Variants in HRH3 observed in about 807,000 individuals in gnomAD.
HRH3 encodes histamine receptor H3, also known as histamine H3 receptor.
A neutral mutation model predicts 21.6 loss-of-function variants in HRH3; 13 were observed. The observed-to-expected ratio is 0.60, with a 90% CI of 0.39 to 0.96. The LOEUF is 0.96. Among genes scored for constraint, HRH3 ranks in the 40% least tolerant of loss-of-function variants. The probability of loss-of-function intolerance (pLI) is 0.00; values close to 1 mark genes in which losing one functional copy is unlikely to be tolerated. For missense variants in HRH3, 461 were observed against 622.7 expected, an observed-to-expected ratio of 0.74 and a Z score of 2.76; for synonymous variants, 276 against 290.3, an observed-to-expected ratio of 0.95 and a Z score of 0.50.
rs918437437 is a variant in HRH3 at position 62,218,339 on chromosome 20, C to T, written c.417+152G>A. 3.4e-6 allele frequency: 3 copies of T among 874,758 alleles called. No homozygotes were observed. Among genetic ancestry groups the T allele is most frequent in the Non-Finnish European group, 3.4e-6 (2 of 582,612 alleles). 54.2% of individuals were successfully genotyped at this position (874,758 alleles called of 1,614,324 possible). A position where few individuals can be genotyped will look rare whatever the true frequency, so the allele number is the denominator to read the frequency against. ...CCATGGCCCCGAGTGGGCAGCTGGC[C>T]GTCGAGTGGCCCATGTGTCAGCAGC... On this transcript the variant is annotated intron_variant, in intron 2 of 2. Coordinates refer to ENST00000340177, the MANE Select transcript of HRH3 (RefSeq NM_007232.3). This position sits in a 1 kb window ranked among gnomAD's most constrained non-coding sequence, Gnocchi z 5.6.
Position 62,216,634 on chromosome 20 carries a change from C to T in HRH3, c.710G>A (p.Arg237Gln), listed in dbSNP as rs775092665. 5.6e-5 allele frequency: 90 copies of T among 1,612,234 alleles called. No individual in the cohort carries two copies. Among genetic ancestry groups the T allele is most frequent in the South Asian group, 5.2e-4 (47 of 91,074 alleles). The change falls in exon 3 of 3, where the codon CGA becomes CAA. Residue 237 changes from arginine (R) to glutamine (Q), a missense_variant. Arg to Gln is a conservative substitution (Grantham distance 43). Coordinates refer to ENST00000340177, the MANE Select transcript of HRH3 (RefSeq NM_007232.3). ...AGGGGGCTCGGGGCCGGCTGCCTCTCGAGCCCCATCCAGCCGGAGGCGGGT... is the reference window on the plus strand; with the variant it reads ...AGGGGGCTCGGGGCCGGCTGCCTCTTGAGCCCCATCCAGCCGGAGGCGGGT... ...RRTRLRLDGA[R>Q]EAAGPEPPPE...
chr20:62,219,613 G>A lies in HRH3; in HGVS notation c.250+108C>T. Reference sequence around the variant, plus strand: ...GCCCCCTTCCCAGGCCGGGTCCCCTGGTGGGGCGTGTGCCTGCGGGAGCCA... The same window carrying A: ...GCCCCCTTCCCAGGCCGGGTCCCCTAGTGGGGCGTGTGCCTGCGGGAGCCA... On this transcript the variant is annotated intron_variant, in intron 1 of 2. Coordinates refer to ENST00000340177, the MANE Select transcript of HRH3 (RefSeq NM_007232.3). The surrounding 1 kb of genome is among the most constrained non-coding windows in gnomAD (Gnocchi z 8.7). The A allele has an allele frequency of 7.2e-7, 1 of 1,391,236 alleles. No homozygotes were observed. Among genetic ancestry groups the A allele is most frequent in the Non-Finnish European group, 9.6e-7 (1 of 1,041,706 alleles). The allele number at this position is 1,391,236 out of a possible 1,614,324, so 86.2% of individuals were successfully genotyped here.
At position 62,216,562 on chromosome 20, in the gene HRH3, C is replaced by T; in HGVS notation, c.782G>A (p.Cys261Tyr). ...SPPPPPGCWG[C>Y]WQKGHGEAMP... ...GGCCTCCCCGTGCCCCTTCTGCCAG[C>T]AGCCCCAGCAGCCAGGCGGTGGGGG... The change falls in exon 3 of 3, where the codon TGC (cysteine) becomes TAC (tyrosine). Residue 261 changes from cysteine (C) to tyrosine (Y), a missense_variant. Around this residue, in one of 6 missense-constraint regions of HRH3, gnomAD observed 163 missense variants for 139.4 expected, o/e 1.17. Transcript: ENST00000340177. 1 of 1,605,040 alleles carries T rather than the reference C, an allele frequency of 6.2e-7. No homozygotes were observed. The highest frequency in any genetic ancestry group is 8.5e-7 in the Non-Finnish European group (1 of 1,176,136).
Position 62,219,890 on chromosome 20 carries a change from G to T in HRH3, c.81C>A (p.Arg27=). ...CCGCGGTCCAGGCTGCCGAGAAGCC[G>T]CGCGCCCCGCCCGCCGCCGCCGCCT... ...AGEAAAAGGA[R]GFSAAWTAVL... is the part of the protein sequence containing the mutation. Residue 27 remains arginine, a synonymous_variant, in exon 1 of 3, where the codon CGC becomes CGA. Coordinates refer to ENST00000340177, the MANE Select transcript of HRH3 (RefSeq NM_007232.3). This position sits in a 1 kb window ranked among gnomAD's most constrained non-coding sequence, Gnocchi z 8.7. 1 of 1,405,812 alleles carries T rather than the reference G, an allele frequency of 7.1e-7. No individual in the cohort carries two copies. Among genetic ancestry groups the T allele is most frequent in the Admixed American group, 3.1e-5 (1 of 32,508 alleles). The allele number at this position is 1,405,812 out of a possible 1,614,324, so 87.1% of individuals were successfully genotyped here. A position where few individuals can be genotyped will look rare whatever the true frequency, so the allele number is the denominator to read the frequency against.
At position 62,216,447 on chromosome 20, in the gene HRH3, G is replaced by C. The variant is rs1024170512; in HGVS notation, c.897C>G (p.Ser299=). 2.0e-6 allele frequency: 3 copies of C among 1,536,840 alleles called. No individual in the cohort carries two copies. The African/African-American group carries it at 4.1e-5, about 21-fold the overall frequency. The change falls in exon 3 of 3, where the codon TCC becomes TCG. Residue 299 remains serine, a synonymous_variant. Coordinates refer to ENST00000340177, the MANE Select transcript of HRH3 (RefSeq NM_007232.3). ...ATLGGGGGGG[S]VASPTSSSGS... is the part of the protein sequence containing the mutation. ...CGGAGCTGGAGGTGGGTGAAGCCAC[G>C]GAGCCGCCCCCACCGCCACCCCCGA...
rs1978483367 is a variant in HRH3, at chr20:62,215,213, C to G, written c.*793G>C. 5.0e-6 allele frequency: 2 copies of G among 398,102 alleles called. No homozygotes were observed. Among genetic ancestry groups the G allele is most frequent in the Non-Finnish European group, 1.0e-5 (2 of 197,282 alleles). 24.7% of individuals were successfully genotyped at this position (398,102 alleles called of 1,614,324 possible). A position where few individuals can be genotyped will look rare whatever the true frequency, so the allele number is the denominator to read the frequency against. ...GAGTGGCCGGGGCAGGCTTGGCCAC[C>G]AGGGCTGGTGTGAGCCCAGAGGCGG... On this transcript the variant is annotated 3_prime_UTR_variant, in exon 3 of 3. Transcript: ENST00000340177.
chr20:62,216,139 C>T lies in HRH3; in HGVS notation c.1205G>A (p.Trp402Ter). The change falls in exon 3 of 3, where the codon TGG becomes TAG. Residue 402 changes from tryptophan (W) to a stop codon, truncating the protein, a stop_gained. Coordinates refer to ENST00000340177, the MANE Select transcript of HRH3 (RefSeq NM_007232.3). LOFTEE classifies it high-confidence loss of function. ...YWYETSFWLL[W>*]ANSAVNPVLY... ...GACAGGGTTGACAGCCGAGTTGGCC[C>T]ACAGGAGCCAGAAGGAGGTTTCGTA... The T allele has an allele frequency of 6.2e-7, 1 of 1,613,304 alleles. No homozygotes were observed. The highest frequency in any genetic ancestry group is 2.2e-5 in the East Asian group (1 of 44,854).
chr20:62,218,291 G>A lies in HRH3; in HGVS notation c.417+200C>T, dbSNP rs1978661330. Among the ~76,000 whole-genome samples the A allele has an allele frequency of 1.3e-5, 2 of 152,362 alleles. No individual in the cohort carries two copies. The highest frequency in any genetic ancestry group is 4.1e-4 in the South Asian group (2 of 4,834). ...CATCCAGATTCCCCGTCTCCTGCCT[G>A]GGCCAGGTCAGTCTGGCTGCAGCCA... On this transcript the variant is annotated intron_variant, in intron 2 of 2. Coordinates refer to ENST00000340177, the MANE Select transcript of HRH3 (RefSeq NM_007232.3). The surrounding 1 kb of genome is among the most constrained non-coding windows in gnomAD (Gnocchi z 5.6).
At position 62,216,666 on chromosome 20, in the gene HRH3, C is replaced by T. The variant is rs1432424650; in HGVS notation, c.678G>A (p.Gln226=). 6.2e-7 allele frequency: 1 copy of T among 1,612,868 alleles called. No homozygotes were observed. The highest frequency in any genetic ancestry group is 8.5e-7 in the Non-Finnish European group (1 of 1,179,952). The change falls in exon 3 of 3, where the codon CAG becomes CAA. Residue 226 remains glutamine (Q), a synonymous_variant. Transcript: ENST00000340177. Reference sequence around the variant, plus strand: ...CATCCAGCCGGAGGCGGGTGCGCCTCTGGATGTTCAGGTAGATGCTGAGGT... The same window carrying T: ...CATCCAGCCGGAGGCGGGTGCGCCTTTGGATGTTCAGGTAGATGCTGAGGT... ...FFNLSIYLNI[Q]RRTRLRLDGA... is the part of the protein sequence containing the mutation.
Position 62,219,927 on chromosome 20 carries a change from G to T in HRH3, c.44C>A (p.Ala15Glu). The T allele has an allele frequency of 8.1e-7, 1 of 1,235,430 alleles. No homozygotes were observed. Among genetic ancestry groups the T allele is most frequent in the South Asian group, 3.0e-5 (1 of 33,852 alleles). 76.5% of individuals were successfully genotyped at this position (1,235,430 alleles called of 1,614,324 possible). A position where few individuals can be genotyped will look rare whatever the true frequency, so the allele number is the denominator to read the frequency against. ...CGCCGCCGCCGCCTCGCCCGCCAGC[G>T]CCCCCGAAGCGTTCAGCGGCCCGTC... is the stretch of plus-strand genomic sequence containing the variant. ...PPDGPLNASG[A>E]LAGEAAAAGG... The change falls in exon 1 of 3, where the codon GCG (alanine) becomes GAG (glutamate). Residue 15 changes from alanine to glutamate, a missense_variant. By Grantham distance (107) the Ala-to-Glu change is moderately radical. Transcript: ENST00000340177. This position sits in a 1 kb window ranked among gnomAD's most constrained non-coding sequence, Gnocchi z 8.7.
chr20:62,216,013 C>T lies in HRH3; in HGVS notation c.1331G>A (p.Trp444Ter). Residue 444 changes from tryptophan (W) to a stop codon, truncating the protein, a stop_gained, in exon 3 of 3, where the codon TGG becomes TAG. Coordinates refer to ENST00000340177, the MANE Select transcript of HRH3 (RefSeq NM_007232.3). LOFTEE classifies it high-confidence loss of function. ...IQPHSSLEHC[W>*]K Reference sequence around the variant, plus strand: ...GAGGCTCTGGTGGGCCACTCACTTCCAGCAGTGCTCCAGGGAGCTGTGGGG... The same window carrying T: ...GAGGCTCTGGTGGGCCACTCACTTCTAGCAGTGCTCCAGGGAGCTGTGGGG... 6.4e-7 allele frequency: 1 copy of T among 1,570,366 alleles called. No homozygotes were observed. The highest frequency in any genetic ancestry group is 8.6e-7 in the Non-Finnish European group (1 of 1,157,716).
chr20:62,217,210 T>C (rs1203511902), intron 2 of HRH3, among the ~76,000 whole-genome samples: 1 of 152,154 alleles, frequency 6.6e-6, no homozygotes, highest in Non-Finnish European at 1.5e-5. Flanking sequence ...CCCTACCAGC[T>C]GTGAGCTCCC....
At position 62,216,618 on chromosome 20, in the gene HRH3, G is replaced by A. The variant is rs749587775; in HGVS notation, c.726C>T (p.Pro242=). 2.7e-5 allele frequency: 43 copies of A among 1,611,002 alleles called. 1 individual carries two copies. The Middle Eastern group carries it at 3.0e-3, about 111-fold the overall frequency. ...AGGGCTGGGCCTCGGGAGGGGGCTCGGGGCCGGCTGCCTCTCGAGCCCCAT... is the reference window on the plus strand; with the variant it reads ...AGGGCTGGGCCTCGGGAGGGGGCTCAGGGCCGGCTGCCTCTCGAGCCCCAT... The part of the protein sequence containing the change: ...RLDGAREAAG[P]EPPPEAQPSP... The change falls in exon 3 of 3, where the codon CCC becomes CCT. Residue 242 remains proline (P), a synonymous_variant. Transcript: ENST00000340177.
chr20:62,215,802 C>T lies in HRH3; in HGVS notation c.*204G>A. ...GTGGGGGGCAGGGCCGGCCACCCAG[C>T]CTCCAGTCCAGCCAGTGAGGGGCCC... is the stretch of plus-strand genomic sequence containing the variant. On this transcript the variant is annotated 3_prime_UTR_variant, in exon 3 of 3. Transcript: ENST00000340177. 1 of 599,282 alleles carries T rather than the reference C, an allele frequency of 1.7e-6. No homozygotes were observed. Among genetic ancestry groups the T allele is most frequent in the Non-Finnish European group, 2.9e-6 (1 of 341,976 alleles). 37.1% of individuals were successfully genotyped at this position (599,282 alleles called of 1,614,324 possible).
At position 62,216,378 on chromosome 20, in the gene HRH3, C is replaced by T. The variant is rs768899957; in HGVS notation, c.966G>A (p.Arg322=). ...RGTERPRSLK[R]GSKPSASSAS... The stretch of plus-strand genomic sequence containing the variant: ...CCGAGGACGCCGACGGCTTGGAGCC[C>T]CTCTTGAGTGAGCGCGGCCTCTCAG... The change falls in exon 3 of 3, where the codon AGG becomes AGA. Residue 322 remains arginine (R), a synonymous_variant. Coordinates refer to ENST00000340177, the MANE Select transcript of HRH3 (RefSeq NM_007232.3). The T allele has an allele frequency of 6.4e-7, 1 of 1,562,428 alleles. No homozygotes were observed. The highest frequency in any genetic ancestry group is 2.4e-5 in the East Asian group (1 of 41,756).
chr20:62,219,598 C>T lies in HRH3; in HGVS notation c.250+123G>A, dbSNP rs941410744. ...CCATGGGCTCCGGACGCCCCCTTCC[C>T]AGGCCGGGTCCCCTGGTGGGGCGTG... is the stretch of plus-strand genomic sequence containing the variant. On this transcript the variant is annotated intron_variant, in intron 1 of 2. Coordinates refer to ENST00000340177, the MANE Select transcript of HRH3 (RefSeq NM_007232.3). The surrounding 1 kb of genome is among the most constrained non-coding windows in gnomAD (Gnocchi z 8.7). 38 of 1,303,104 alleles carry T rather than the reference C, an allele frequency of 2.9e-5. No individual in the cohort carries two copies. Among genetic ancestry groups the T allele is most frequent in the Non-Finnish European group, 3.5e-5 (34 of 974,994 alleles). 80.7% of individuals were successfully genotyped at this position (1,303,104 alleles called of 1,614,324 possible).
At chr20:62,217,112 G>T (rs934767917) in intron 2 of HRH3, among the ~76,000 whole-genome samples, 186 bp from the exon 3 acceptor site, 1 of 152,016 alleles carries the variant, frequency 6.6e-6, no homozygotes, top group East Asian at 1.9e-4. Context: ...GTCCCGGACT[G>T]GTGCCCTGCC....
In HRH3 at chr20:62,218,412, CG is replaced by C. The variant is rs981344116; in HGVS notation, c.417+78del. 10 of 1,486,680 alleles carry C rather than the reference CG, an allele frequency of 6.7e-6. No individual in the cohort carries two copies. The highest frequency in any genetic ancestry group is 9.1e-6 in the Non-Finnish European group (10 of 1,103,200). The allele number at this position is 1,486,680 out of a possible 1,614,324, so 92.1% of individuals were successfully genotyped here. ...CTTCTGCCCACAACTCAGAAGTGGCCGTCCCCACCCAGGTGCCTCCCATGGG... is the reference window on the plus strand; with the variant it reads ...CTTCTGCCCACAACTCAGAAGTGGCCTCCCCACCCAGGTGCCTCCCATGGG... On this transcript the variant is annotated intron_variant, in intron 2 of 2. Transcript: ENST00000340177. The surrounding 1 kb of genome is among the most constrained non-coding windows in gnomAD (Gnocchi z 5.6).
chr20:62,216,412 G>A lies in HRH3; in HGVS notation c.932C>T (p.Ser311Leu), dbSNP rs200325026. 40 of 1,539,334 alleles carry A rather than the reference G, an allele frequency of 2.6e-5. No homozygotes were observed. The highest frequency in any genetic ancestry group is 2.1e-4 in the Middle Eastern group (1 of 4,686). Residue 311 changes from serine (S) to leucine (L), a missense_variant, in exon 3 of 3, where the codon TCG becomes TTG. Ser to Leu is a moderately radical substitution (Grantham distance 145, BLOSUM62 -2). Transcript: ENST00000340177. ...ASPTSSSGSSSRGTERPRSLK... is the reference protein window; with the variant it reads ...ASPTSSSGSSLRGTERPRSLK... Reference sequence around the variant, plus strand: ...TGAGCGCGGCCTCTCAGTGCCCCTCGAGGAGCTGCCGGAGCTGGAGGTGGG... The same window carrying A: ...TGAGCGCGGCCTCTCAGTGCCCCTCAAGGAGCTGCCGGAGCTGGAGGTGGG...
Sources: allele counts gnomAD v4.1 joint callset (sites outside exome capture counted in the v4.1 genomes callset), GRCh38; gene constraint gnomAD v4.1.1; regional missense constraint gnomAD v4.1.1; non-coding constraint Gnocchi (gnomAD v3.1); transcripts MANE v1.5; gene names NCBI Gene and HGNC (gene_info 2026-07-23, HGNC 2026-07-21).